YPEL2: variants seen among roughly 807,000 people sequenced by gnomAD.
The protein encoded by YPEL2 is protein yippee-like 2.
YPEL2 carries 2 observed loss-of-function variants against 19.1 expected under a neutral mutation model. The ratio of observed to expected loss-of-function variants is 0.10; its 90% CI spans 0.04 to 0.33. The LOEUF (loss-of-function observed/expected upper bound fraction) is 0.33, where lower values mean the gene tolerates loss of function less well. Ranked by LOEUF, YPEL2 falls within the 10% of genes least tolerant of loss-of-function variation. The probability of loss-of-function intolerance (pLI) is 1.00; values close to 1 mark genes in which losing one functional copy is unlikely to be tolerated. For missense variants in YPEL2, 66 were observed against 140.7 expected (o/e 0.47, Z 2.68); for synonymous variants, 52 against 50.0 (o/e 1.04, Z -0.17).
chr17:59,353,581 C>G lies in YPEL2; in HGVS notation c.117+55C>G. ...TACCCCGGGGAGGGCGCTTAGTGCT[C>G]CTGAAGTTGCAGAGGTTTACAAGCT... On this transcript the variant is annotated intron_variant, in intron 2 of 4. Coordinates refer to ENST00000312655, the MANE Select transcript of YPEL2 (RefSeq NM_001005404.4). The surrounding 1 kb of genome is among the most constrained non-coding windows in gnomAD (Gnocchi z 4.8). The G allele has an allele frequency of 7.6e-7, 1 of 1,318,678 alleles. No homozygotes were observed. The highest frequency in any genetic ancestry group is 1.1e-6 in the Non-Finnish European group (1 of 911,772). 81.7% of individuals were successfully genotyped at this position (1,318,678 alleles called of 1,614,324 possible).
intron 2 of YPEL2, among the ~76,000 whole-genome samples, chr17:59,377,431 C>T (rs1348182906): frequency 6.6e-6 from 1 of 152,204 alleles, no homozygotes; most frequent in Non-Finnish European, 1.5e-5. Flanking sequence ...GTGTCTAACT[C>T]AGAAGCTAGA....
intron 2 of YPEL2, among the ~76,000 whole-genome samples, chr17:59,377,403 A>G (rs2047927606): frequency 6.6e-6 from 1 of 152,210 alleles, no homozygotes; most frequent in Non-Finnish European, 1.5e-5. Context: ...CTGCCCTTGC[A>G]TCCTGGCACC....
At chr17:59,385,898 T>C (rs988530782) in intron 2 of YPEL2, among the ~76,000 whole-genome samples, 4 of 152,232 alleles carry the variant, frequency 2.6e-5, no homozygotes, top group African/African-American at 9.6e-5. Flanking sequence ...GTGTGCCAGA[T>C]GCACATTCTT....
intron 2 of YPEL2, among the ~76,000 whole-genome samples, chr17:59,365,176 G>C (rs1036032319): frequency 1.3e-5 from 2 of 152,206 alleles, no homozygotes; most frequent in Admixed American, 6.5e-5. Flanking sequence ...ACTCTTGCTT[G>C]TTGCCCTTGT....
chr17:59,332,194 C>T (rs1381977432), intron 1 of YPEL2, among the ~76,000 whole-genome samples: 2 of 152,040 alleles, frequency 1.3e-5, no homozygotes, highest in Admixed American at 6.5e-5. Flanking sequence ...GCGTCGTCCC[C>T]ATGGGTTCGG....
At chr17:59,366,589 GT>G (rs2047870588) in intron 2 of YPEL2, among the ~76,000 whole-genome samples, 1 of 152,216 alleles carries the variant, frequency 6.6e-6, no homozygotes, top group South Asian at 2.1e-4. Context: ...TTGGAGGAAT[GT>G]CTGTATTCTC....
At chr17:59,385,345 C>CGATTGGG (rs1386634486) in intron 2 of YPEL2, among the ~76,000 whole-genome samples, 1 of 152,040 alleles carries the variant, frequency 6.6e-6, no homozygotes, top group Admixed American at 6.5e-5. Flanking sequence ...CAAGGCAGGC[C>CGATTGGG]GATTGGGTGG....
chr17:59,393,390 C>T (rs1027422300), intron 4 of YPEL2, among the ~76,000 whole-genome samples: 1 of 151,470 alleles, frequency 6.6e-6, no homozygotes, highest in Non-Finnish European at 1.5e-5. Flanking sequence ...CTGCCTCAGC[C>T]TCTCAAAGGG....
At chr17:59,349,821 C>T (rs552277368) in intron 1 of YPEL2, among the ~76,000 whole-genome samples, 4 of 151,400 alleles carry the variant, frequency 2.6e-5, no homozygotes, top group Non-Finnish European at 4.4e-5. Context: ...CCACCATGCC[C>T]GGCTAATTTT....
chr17:59,347,930 T>G (rs927692136), intron 1 of YPEL2, among the ~76,000 whole-genome samples: 1 of 152,136 alleles, frequency 6.6e-6, no homozygotes, highest in African/African-American at 2.4e-5. Flanking sequence ...TCTTTTTCTT[T>G]CTTTTTTTTT....
chr17:59,392,507 GTTTTTT>G (rs3063116), intron 4 of YPEL2, among the ~76,000 whole-genome samples: 2 of 103,176 alleles, frequency 1.9e-5, no homozygotes, highest in Non-Finnish European at 3.7e-5. Flanking sequence ...CTCAGGGCAC[GTTTTTT>G]TTTTTTTTTT....
At chr17:59,381,406 T>C (rs1400352817) in intron 2 of YPEL2, among the ~76,000 whole-genome samples, 1 of 152,154 alleles carries the variant, frequency 6.6e-6, no homozygotes, top group Non-Finnish European at 1.5e-5. Flanking sequence ...GAGGCTCTGC[T>C]CCTCTGCTAG....
At chr17:59,385,547 C>T (rs1448392225) in intron 2 of YPEL2, among the ~76,000 whole-genome samples, 2 of 152,154 alleles carry the variant, frequency 1.3e-5, no homozygotes, top group African/African-American at 4.8e-5. Flanking sequence ...CTTTACACTC[C>T]AGCCTGGGTG....
intron 2 of YPEL2, among the ~76,000 whole-genome samples, chr17:59,384,473 C>T (rs2047970500): frequency 6.6e-6 from 1 of 152,190 alleles, no homozygotes; most frequent in South Asian, 2.1e-4. Context: ...GCCTTATTCA[C>T]AGAAACAACA....
At chr17:59,332,880 C>T (rs988080498) in intron 1 of YPEL2, among the ~76,000 whole-genome samples, 4 of 152,152 alleles carry the variant, frequency 2.6e-5, no homozygotes, top group Admixed American at 6.5e-5. Context: ...TTGGGAGGCT[C>T]TTGAGTGAGT....
chr17:59,342,079 A>T (rs1300653246), intron 1 of YPEL2, among the ~76,000 whole-genome samples: 1 of 152,246 alleles, frequency 6.6e-6, no homozygotes. Flanking sequence ...GAGCCCAGCC[A>T]CAGATGTCAG....
At chr17:59,372,217 C>A (rs1470376738) in intron 2 of YPEL2, among the ~76,000 whole-genome samples, 1 of 152,178 alleles carries the variant, frequency 6.6e-6, no homozygotes, top group Non-Finnish European at 1.5e-5. Context: ...CTTGGAATAA[C>A]CCTGGCCTCT....
At chr17:59,343,590 A>G (rs1321006508) in intron 1 of YPEL2, among the ~76,000 whole-genome samples, 2 of 152,024 alleles carry the variant, frequency 1.3e-5, no homozygotes, top group Non-Finnish European at 2.9e-5. Flanking sequence ...TAGGCAGAGA[A>G]GGGTAGGGTA....
In YPEL2 at chr17:59,343,417, C is replaced by CT. The variant is rs1049507033; in HGVS notation, c.-195-9796dup. On this transcript the variant is annotated intron_variant, in intron 1 of 4. Coordinates refer to ENST00000312655, the MANE Select transcript of YPEL2 (RefSeq NM_001005404.4). ...CCTTTGACTGCAAGAAGTTCCCAGT[C>CT]TTATGGGGATAGAGACTCATGAACA... 2.0e-5 allele frequency among the ~76,000 whole-genome samples: 3 copies of CT among 151,998 alleles called. No individual in the cohort carries two copies. In the South Asian group the frequency reaches 6.2e-4, roughly 32 times the overall value.
Sources: allele counts gnomAD v4.1 joint callset (sites outside exome capture counted in the v4.1 genomes callset), GRCh38; gene constraint gnomAD v4.1.1; non-coding constraint Gnocchi (gnomAD v3.1); transcripts MANE v1.5; gene names NCBI Gene and HGNC (gene_info 2026-07-23, HGNC 2026-07-21).